OR10S1: variants seen among roughly 807,000 people sequenced by gnomAD.
OR10S1 encodes the protein olfactory receptor family 10 subfamily S member 1.
For missense variants in OR10S1, 415 were observed against 407.9 expected, an observed-to-expected ratio of 1.02 and a Z score of -0.15; for synonymous variants, 167 against 164.1, an observed-to-expected ratio of 1.02 and a Z score of -0.13.
At chr11:123,976,998 A>G in exon 1 of OR10S1, 1 of 1,614,124 alleles carries the variant, frequency 6.2e-7, no homozygotes, top group Non-Finnish European at 8.5e-7. Context: ...ATGAAGATGT[A>G]GGAAATAACG....
exon 1 of OR10S1, chr11:123,977,299 G>T: frequency 1.2e-6 from 2 of 1,614,176 alleles, no homozygotes; most frequent in Non-Finnish European, 1.7e-6. Flanking sequence ...CATAGGCCAT[G>T]ACTGTGTACA....
chr11:123,977,095 T>C (rs200306958), exon 1 of OR10S1: 3 of 1,614,184 alleles, frequency 1.9e-6, no homozygotes, highest in Non-Finnish European at 2.5e-6. Flanking sequence ...AGGCGAGCTT[T>C]AGGACAGGGG....
At position 123,976,873 on chromosome 11, in the gene OR10S1, G is replaced by C. The variant is rs776329083; in HGVS notation, c.792C>G (p.Tyr264Ter). Reference sequence around the variant, plus strand: ...CTGCCTCACTGGAGCGAGGCTGCAGGTAGATACAGACAGGTGGCACGTAGT... The same window carrying C: ...CTGCCTCACTGGAGCGAGGCTGCAGCTAGATACAGACAGGTGGCACGTAGT... Residue 264 changes from tyrosine (Y) to a stop codon, truncating the protein, a stop_gained, in exon 1 of 1, where the codon TAC becomes TAG. Transcript: ENST00000641123. LOFTEE classifies it low-confidence loss of function (END_TRUNC). 8.7e-6 allele frequency: 14 copies of C among 1,614,068 alleles called. No individual in the cohort carries two copies. Among genetic ancestry groups the C allele is most frequent in the Non-Finnish European group, 9.3e-6 (11 of 1,180,044 alleles).
At chr11:123,977,488 G>A in exon 1 of OR10S1, 3 of 1,614,048 alleles carry the variant, frequency 1.9e-6, no homozygotes, top group Non-Finnish European at 2.5e-6. Context: ...TGGGTAAGCT[G>A]AGGTGAGAGT....
chr11:123,977,585 T>C lies in OR10S1; in HGVS notation c.80A>G (p.His27Arg), dbSNP rs1863733538. 4 of 1,612,552 alleles carry C rather than the reference T, an allele frequency of 2.5e-6. No individual in the cohort carries two copies. The East Asian group carries it at 8.9e-5, about 36-fold the overall frequency. Residue 27 changes from histidine (H) to arginine (R), a missense_variant, in exon 1 of 1, where the codon CAT becomes CGT. By Grantham distance (29) the His-to-Arg change is conservative. Coordinates refer to ENST00000641123, the Ensembl canonical transcript of OR10S1. ...GAAGAGGAGGAAGAAGAGGCTAGAA[T>C]GTTTAGCGGTGTACCTCAAACCCTC...
At chr11:123,977,772 C>G in exon 1 of OR10S1, 1 of 1,292,180 alleles carries the variant, frequency 7.7e-7, no homozygotes, top group East Asian at 2.3e-5. Flanking sequence ...CAAGCCACAC[C>G]ACCTTGGTCT....
chr11:123,977,104 G>A (rs919101809), exon 1 of OR10S1: 1 of 1,614,248 alleles, frequency 6.2e-7, no homozygotes, highest in Non-Finnish European at 8.5e-7. Flanking sequence ...TTAGGACAGG[G>A]GGTATGTCGC....
exon 1 of OR10S1, chr11:123,977,112 C>T (rs748991297): frequency 6.2e-7 from 1 of 1,614,154 alleles, no homozygotes; most frequent in South Asian, 1.1e-5. Flanking sequence ...GGGGGTATGT[C>T]GCAGAAGAAG....
exon 1 of OR10S1, chr11:123,977,504 C>G: frequency 6.2e-7 from 1 of 1,613,868 alleles, no homozygotes; most frequent in Non-Finnish European, 8.5e-7. Context: ...AGAGTCAGAG[C>G]CCACAGTTAG....
exon 1 of OR10S1, chr11:123,977,056 G>A (rs1467903214): frequency 6.2e-7 from 1 of 1,614,104 alleles, no homozygotes; most frequent in Non-Finnish European, 8.5e-7. Flanking sequence ...TGGCAAGCAT[G>A]ACTAGCTCAT....
exon 1 of OR10S1, chr11:123,977,629 C>T (rs1330533200): frequency 1.2e-6 from 2 of 1,606,452 alleles, no homozygotes; most frequent in Non-Finnish European, 1.7e-6. Context: ...AGTGGCTCAC[C>T]ACAGTCTGGT....
exon 1 of OR10S1, chr11:123,977,188 C>A: frequency 1.9e-6 from 3 of 1,614,194 alleles, no homozygotes; most frequent in Non-Finnish European, 8.5e-7. Context: ...TTGCAGCGTG[C>A]GTGGCACCTA....
chr11:123,977,702 A>G (rs1211323643), exon 1 of OR10S1: 2 of 1,592,932 alleles, frequency 1.3e-6, no homozygotes, highest in Non-Finnish European at 1.7e-6. Flanking sequence ...CCCCTTTGCA[A>G]CAAAACTGAC....
exon 1 of OR10S1, chr11:123,976,728 G>C (rs551280343): frequency 1.9e-6 from 3 of 1,613,432 alleles, no homozygotes; most frequent in Non-Finnish European, 2.5e-6. Flanking sequence ...GTAGACTCTC[G>C]GAAGCTGCTG....
exon 1 of OR10S1, chr11:123,977,602 C>G: frequency 1.2e-6 from 2 of 1,610,792 alleles, no homozygotes; most frequent in East Asian, 2.2e-5. Context: ...CGGTGTACCT[C>G]AAACCCTCCA....
chr11:123,977,450 A>T, exon 1 of OR10S1: 1 of 1,614,112 alleles, frequency 6.2e-7, no homozygotes, highest in Non-Finnish European at 8.5e-7. Flanking sequence ...GGCATCCAGG[A>T]AGGAGAGGTG....
Position 123,977,100 on chromosome 11 carries a change from C to T in OR10S1, c.565G>A (p.Val189Ile), listed in dbSNP as rs190242422. The T allele has an allele frequency of 3.1e-6, 5 of 1,614,196 alleles. No homozygotes were observed. In the East Asian group the frequency reaches 8.9e-5, roughly 29 times the overall value. Residue 189 changes from valine (V) to isoleucine (I), a missense_variant, in exon 1 of 1, where the codon GTC becomes ATC. Val to Ile is a conservative substitution (Grantham distance 29). Coordinates refer to ENST00000641123, the Ensembl canonical transcript of OR10S1. ...GTGTCTGTACAGGCGAGCTTTAGGACAGGGGGTATGTCGCAGAAGAAGTAG... is the reference window on the plus strand; with the variant it reads ...GTGTCTGTACAGGCGAGCTTTAGGATAGGGGGTATGTCGCAGAAGAAGTAG...
rs970110639 is a variant in OR10S1, at chr11:123,977,048, G to T, written c.617C>A (p.Ala206Asp). Residue 206 changes from alanine (A) to aspartate (D), a missense_variant, in exon 1 of 1, where the codon GCC becomes GAC. Physicochemically the swap from Ala to Asp is moderately radical, Grantham distance 126 (BLOSUM62 -2). Transcript: ENST00000641123. ...GCCTGCAGCCACGATGCCAATGCTG[G>T]CAAGCATGACTAGCTCATTAATGGT... is the stretch of plus-strand genomic sequence containing the variant. 5 of 1,614,092 alleles carry T rather than the reference G, an allele frequency of 3.1e-6. No homozygotes were observed. In the African/African-American group the frequency reaches 5.3e-5, roughly 17 times the overall value.
chr11:123,977,043 T>G, exon 1 of OR10S1: 3 of 1,614,188 alleles, frequency 1.9e-6, no homozygotes, highest in Non-Finnish European at 2.5e-6. Flanking sequence ...ACGATGCCAA[T>G]GCTGGCAAGC....
Sources: gnomAD v4.1 joint callset for allele counts on GRCh38, gnomAD v4.1.1 for gene constraint, MANE v1.5 for transcripts, NCBI Gene and HGNC (gene_info 2026-07-23, HGNC 2026-07-21) for gene names.